GLIS3: variants seen among roughly 807,000 people sequenced by gnomAD.
GLIS3 encodes GLIS family zinc finger 3, also known as zinc finger protein GLIS3.
A neutral mutation model predicts 78.6 loss-of-function variants in GLIS3; 53 were observed. The observed-to-expected ratio is 0.67, with a 90% CI of 0.54 to 0.85. GLIS3 has a LOEUF of 0.85. Among genes scored for constraint, GLIS3 ranks in the 40% least tolerant of loss-of-function variants. GLIS3 has a pLI of 0.00. For synonymous variants in GLIS3, 684 were observed against 509.9 expected (o/e 1.34, Z -4.60); for missense variants, 1,703 against 1,231.1 (o/e 1.38, Z -5.74).
At chr9:4,427,916 T>A in the GLIS3 span, among the ~76,000 whole-genome samples, 3,312 of 151,880 alleles carry the variant, frequency 0.022, 114 homozygotes, top group African/African-American at 0.077. Context: ...GAAAATTTAC[T>A]AGACTGCTTC....
the GLIS3 span, among the ~76,000 whole-genome samples, chr9:4,412,342 G>C: frequency 8.5e-5 from 13 of 152,292 alleles, no homozygotes; most frequent in Non-Finnish European, 4.4e-5. Context: ...AGTTACCTTA[G>C]ACTGGCGCCT....
intron 2 of GLIS3, among the ~76,000 whole-genome samples, chr9:4,258,071 C>G (rs954572806): frequency 3.3e-5 from 5 of 152,074 alleles, no homozygotes; most frequent in African/African-American, 1.2e-4. Context: ...CCTATGTACA[C>G]ACAACACAAA....
the GLIS3 span, among the ~76,000 whole-genome samples, chr9:4,434,973 A>G: frequency 6.6e-6 from 1 of 152,212 alleles, no homozygotes; most frequent in South Asian, 2.1e-4. Flanking sequence ...GAAATAAAAC[A>G]AAGCTGTCAG....
intron 7 of GLIS3, among the ~76,000 whole-genome samples, chr9:3,896,765 T>C (rs1014888922): frequency 6.6e-6 from 1 of 151,626 alleles, no homozygotes; most frequent in African/African-American, 2.4e-5. Flanking sequence ...CATGATCATC[T>C]GCATGTTTCA....
At chr9:4,198,695 T>C (rs1819091631) in intron 2 of GLIS3, among the ~76,000 whole-genome samples, 1 of 152,028 alleles carries the variant, frequency 6.6e-6, no homozygotes, top group Non-Finnish European at 1.5e-5. Flanking sequence ...GACACCTAGA[T>C]ACAAGAAATC....
intron 2 of GLIS3, among the ~76,000 whole-genome samples, chr9:4,165,424 G>A (rs983529409): frequency 6.6e-5 from 10 of 152,308 alleles, no homozygotes; most frequent in South Asian, 2.1e-4. Flanking sequence ...CTAGGCAACA[G>A]GAGCGAAACT....
intron 2 of GLIS3, among the ~76,000 whole-genome samples, chr9:4,177,281 A>C (rs1291333692): frequency 5.3e-5 from 8 of 152,230 alleles, no homozygotes; most frequent in Non-Finnish European, 1.0e-4. Flanking sequence ...ATTGGTTGGC[A>C]ACATATGACC....
chr9:4,060,078 G>A (rs999525931), intron 4 of GLIS3, among the ~76,000 whole-genome samples: 2 of 152,004 alleles, frequency 1.3e-5, no homozygotes, highest in African/African-American at 4.8e-5. Flanking sequence ...GTCAACTCAT[G>A]TGAGCCCATT....
intron 2 of GLIS3, among the ~76,000 whole-genome samples, chr9:4,197,709 T>TAG (rs2131250600): frequency 6.6e-6 from 1 of 152,338 alleles, no homozygotes; most frequent in African/African-American, 2.4e-5. Context: ...ATTAGCCTGT[T>TAG]GTCTAAGTCA....
At chr9:4,309,426 A>G (rs148730323) in intron 3 of GLIS3, among the ~76,000 whole-genome samples, 291 of 152,326 alleles carry the variant, frequency 1.9e-3, no homozygotes, top group African/African-American at 6.5e-3. Context: ...GGAGCACAGT[A>G]TAAGTAACAG....
At chr9:3,950,951 A>T (rs1247934554) in intron 4 of GLIS3, among the ~76,000 whole-genome samples, 1 of 152,244 alleles carries the variant, frequency 6.6e-6, no homozygotes, top group Non-Finnish European at 1.5e-5. Context: ...TAGGAACAGT[A>T]TTTGTTCTAA....
At chr9:3,944,540 G>A (rs1474313330) in intron 4 of GLIS3, among the ~76,000 whole-genome samples, 1 of 152,190 alleles carries the variant, frequency 6.6e-6, no homozygotes, top group Non-Finnish European at 1.5e-5. Flanking sequence ...AAAACTGGTT[G>A]CCTGGAGGTT....
intron 6 of GLIS3, among the ~76,000 whole-genome samples, chr9:3,904,887 T>A (rs1823552736): frequency 6.6e-6 from 1 of 152,060 alleles, no homozygotes; most frequent in Non-Finnish European, 1.5e-5. Flanking sequence ...TTATACTGGC[T>A]CATAAAACAG....
Position 4,117,907 on chromosome 9 carries a change from A to G in GLIS3, c.1571T>C (p.Val524Ala). 2.5e-6 allele frequency: 4 copies of G among 1,613,622 alleles called. No individual in the cohort carries two copies. Among genetic ancestry groups the G allele is most frequent in the Non-Finnish European group, 3.4e-6 (4 of 1,179,876 alleles). Reference protein sequence around the residue: ...QEELVRHIEKVHIDQRKGEDF... With the variant: ...QEELVRHIEKAHIDQRKGEDF... ...CTCCCCTTTGCGCTGGTCGATGTGG[A>G]CCTTCTCGATGTGCCGCACGAGCTC... Residue 524 changes from valine to alanine, a missense_variant, in exon 4 of 11, where the codon GTC (valine) becomes GCC (alanine). By Grantham distance (64) the Val-to-Ala change is moderately conservative (BLOSUM62 0). Transcript: ENST00000381971.
chr9:4,261,647 G>A (rs1307746723), intron 2 of GLIS3, among the ~76,000 whole-genome samples: 2 of 152,178 alleles, frequency 1.3e-5, no homozygotes, highest in Admixed American at 6.5e-5. Flanking sequence ...GAATGCCCCT[G>A]AGCGAATGGA....
At chr9:4,113,985 C>T (rs1250902174) in intron 4 of GLIS3, among the ~76,000 whole-genome samples, 1 of 150,816 alleles carries the variant, frequency 6.6e-6, no homozygotes, top group Non-Finnish European at 1.5e-5. Flanking sequence ...GGATAAAATT[C>T]ATCCAGGAAA....
At chr9:4,270,241 C>T (rs577680416) in intron 2 of GLIS3, among the ~76,000 whole-genome samples, 1 of 152,340 alleles carries the variant, frequency 6.6e-6, no homozygotes, top group South Asian at 2.1e-4. Context: ...TACTTCCTGC[C>T]TTCCTGCTCC....
At chr9:4,065,337 G>A (rs1424553999) in intron 4 of GLIS3, among the ~76,000 whole-genome samples, 1 of 152,184 alleles carries the variant, frequency 6.6e-6, no homozygotes, top group Non-Finnish European at 1.5e-5. Flanking sequence ...CAACTGGAAA[G>A]GGTTATTTTT....
intron 1 of GLIS3, among the ~76,000 whole-genome samples, chr9:4,294,535 T>C (rs1816312245): frequency 6.6e-6 from 1 of 151,460 alleles, no homozygotes; most frequent in African/African-American, 2.4e-5. Context: ...TACAGAATAA[T>C]AAATGAGAAT....
Sources: allele counts gnomAD v4.1 joint callset (sites outside exome capture counted in the v4.1 genomes callset), GRCh38; gene constraint gnomAD v4.1.1; transcripts MANE v1.5; gene names NCBI Gene and HGNC (gene_info 2026-07-23, HGNC 2026-07-21).